The following USP46 variants were observed in gnomAD, a reference collection of about 807,000 sequenced individuals.
USP46 encodes the protein ubiquitin carboxyl-terminal hydrolase 46.
Under a neutral mutation model 44.4 loss-of-function variants are expected in USP46, and 12 were observed. The observed-to-expected ratio is 0.27, with a 90% confidence interval of 0.17 to 0.44. The LOEUF (loss-of-function observed/expected upper bound fraction) is 0.44, where lower values mean the gene tolerates loss of function less well. Ranked by LOEUF, USP46 falls within the 20% of genes least tolerant of loss-of-function variation. The pLI is 1.00. For synonymous variants in USP46, 155 were observed against 161.5 expected (o/e 0.96, Z 0.31); for missense variants, 248 against 444.8 (o/e 0.56, Z 3.98).
chr4:52,655,706 C>A (rs1055415587), intron 1 of USP46, among the ~76,000 whole-genome samples: 2 of 152,196 alleles, frequency 1.3e-5, no homozygotes, highest in African/African-American at 4.8e-5. Flanking sequence ...AATTACAACA[C>A]ACCAGCCAAA....
At chr4:52,643,893 C>T (rs1326382399) in intron 1 of USP46, among the ~76,000 whole-genome samples, 1 of 152,168 alleles carries the variant, frequency 6.6e-6, no homozygotes, top group Non-Finnish European at 1.5e-5. Flanking sequence ...AGCTCTGGAC[C>T]ACAAGCCAGG....
rs1716045800 is a variant in USP46 at position 52,592,181 on chromosome 4, G to A, written c.*5459C>T. On this transcript the variant is annotated 3_prime_UTR_variant, in exon 9 of 9. Transcript: ENST00000441222. ...TCTTTCTCACCCAGACTTGTCTTCT[G>A]AGACAAAAAACGAGTCCATAAGAGG... 6.6e-6 allele frequency: 1 copy of A among 152,076 alleles called. No homozygotes were observed. The highest frequency in any genetic ancestry group is 2.1e-4 in the South Asian group (1 of 4,828). 9.4% of individuals were successfully genotyped at this position (152,076 alleles called of 1,614,324 possible).
Position 52,610,525 on chromosome 4 carries a change from C to T in USP46, c.638+16G>A. 1 of 1,612,566 alleles carries T rather than the reference C, an allele frequency of 6.2e-7. No individual in the cohort carries two copies. Among genetic ancestry groups the T allele is most frequent in the Non-Finnish European group, 8.5e-7 (1 of 1,179,038 alleles). On this transcript the variant is annotated intron_variant, in intron 5 of 8. Transcript: ENST00000441222. The stretch of plus-strand genomic sequence containing the variant: ...AAGCCTGATCAAAAGCTCAAACTGC[C>T]TCAGAGTTCATATACCTTAGACAGT...
intron 4 of USP46, among the ~76,000 whole-genome samples, chr4:52,613,721 CAAAAAAA>C (rs59351260): frequency 1.3e-5 from 1 of 77,082 alleles, no homozygotes; most frequent in Non-Finnish European, 2.7e-5. Context: ...GACTCCATCT[CAAAAAAA>C]AAAAAAAAAG....
At chr4:52,632,746 C>A (rs1322667704) in intron 1 of USP46, among the ~76,000 whole-genome samples, 1 of 150,644 alleles carries the variant, frequency 6.6e-6, no homozygotes, top group Non-Finnish European at 1.5e-5. Context: ...GAGGTGGAGG[C>A]TGTGCAGTGA....
intron 1 of USP46, among the ~76,000 whole-genome samples, chr4:52,644,183 A>T (rs185648860): frequency 6.6e-6 from 1 of 152,300 alleles, no homozygotes; most frequent in Admixed American, 6.5e-5. Flanking sequence ...GTCATAGCTG[A>T]AGGAAATGAG....
At chr4:52,625,916 C>A in intron 4 of USP46, 102 bp downstream of exon 4, 2 of 1,152,972 alleles carry the variant, frequency 1.7e-6, no homozygotes, top group Non-Finnish European at 2.4e-6. Context: ...ACATACACTG[C>A]AAATAACTGC....
intron 1 of USP46, among the ~76,000 whole-genome samples, chr4:52,647,295 T>C (rs1244799147): frequency 6.6e-6 from 1 of 152,234 alleles, no homozygotes; most frequent in Non-Finnish European, 1.5e-5. Context: ...TGCTTGTATA[T>C]GCATATAACT....
intron 4 of USP46, among the ~76,000 whole-genome samples, chr4:52,615,142 A>AT (rs1357564138): frequency 6.6e-6 from 1 of 152,188 alleles, no homozygotes; most frequent in Non-Finnish European, 1.5e-5. Flanking sequence ...GGAAATAAAT[A>AT]GAAAACAAAT....
At chr4:52,653,224 G>A (rs1718831993) in intron 1 of USP46, among the ~76,000 whole-genome samples, 1 of 152,132 alleles carries the variant, frequency 6.6e-6, no homozygotes, top group Non-Finnish European at 1.5e-5. Flanking sequence ...ATGTTTTCGT[G>A]GCAGGGCACA....
intron 5 of USP46, among the ~76,000 whole-genome samples, chr4:52,606,312 C>T (rs1251647489): frequency 6.6e-6 from 1 of 152,082 alleles, no homozygotes; most frequent in African/African-American, 2.4e-5. Context: ...GCAGCGGTGA[C>T]GTATTAGTCT....
chr4:52,626,847 A>G (rs926532824), intron 3 of USP46, among the ~76,000 whole-genome samples: 3 of 152,216 alleles, frequency 2.0e-5, no homozygotes, highest in Non-Finnish European at 2.9e-5. Flanking sequence ...AAGTTATCAG[A>G]TAAGTTCCCT....
chr4:52,600,004 C>T (rs1354041970), intron 7 of USP46, among the ~76,000 whole-genome samples: 1 of 152,192 alleles, frequency 6.6e-6, no homozygotes, highest in East Asian at 1.9e-4. Context: ...GACCAACTCA[C>T]CTGAAGATGT....
At chr4:52,608,650 C>T (rs939480364) in intron 5 of USP46, among the ~76,000 whole-genome samples, 7 of 152,212 alleles carry the variant, frequency 4.6e-5, no homozygotes, top group African/African-American at 1.7e-4. Context: ...TCCCGCACCC[C>T]TCCACCCCCC....
intron 4 of USP46, among the ~76,000 whole-genome samples, chr4:52,615,986 G>C (rs1717114801): frequency 6.6e-6 from 1 of 152,182 alleles, no homozygotes. Flanking sequence ...CTCAGCAACT[G>C]GTAGAAAAGC....
chr4:52,641,200 T>G (rs1160440729), intron 1 of USP46, among the ~76,000 whole-genome samples: 3 of 152,160 alleles, frequency 2.0e-5, no homozygotes, highest in East Asian at 3.9e-4. Flanking sequence ...TATGACCAGA[T>G]GGTGAACAAA....
chr4:52,655,815 A>G (rs1004085705), intron 1 of USP46, among the ~76,000 whole-genome samples: 2 of 152,228 alleles, frequency 1.3e-5, no homozygotes, highest in South Asian at 2.1e-4. Context: ...TTCACATGGA[A>G]GAAAAATTAA....
chr4:52,632,990 A>AGAAAAGAAAAGAAAG (rs1553891309), intron 1 of USP46, among the ~76,000 whole-genome samples: 1 of 66,294 alleles, frequency 1.5e-5, no homozygotes, highest in Non-Finnish European at 3.0e-5. Context: ...GAAAGAAAAG[A>AGAAAAGAAAAGAAAG]AAAGAAAGAA....
intron 1 of USP46, among the ~76,000 whole-genome samples, chr4:52,653,859 C>G (rs1319871408): frequency 1.3e-5 from 2 of 152,072 alleles, no homozygotes; most frequent in Non-Finnish European, 1.5e-5. Context: ...GACATCTGAG[C>G]TAGAGAAATT....
Sources: gnomAD v4.1 joint callset for allele counts (sites outside exome capture counted in the v4.1 genomes callset) on GRCh38, gnomAD v4.1.1 for gene constraint, MANE v1.5 for transcripts, NCBI Gene and HGNC (gene_info 2026-07-23, HGNC 2026-07-21) for gene names.